GALNTL6: variants seen among roughly 807,000 people sequenced by gnomAD.
GALNTL6 encodes polypeptide N-acetylgalactosaminyltransferase-like 6.
GALNTL6 carries 46 observed loss-of-function variants against 73.7 expected under a neutral mutation model. That is an observed-to-expected ratio of 0.62 (90% CI 0.49 to 0.80). The LOEUF is 0.80. Ranked by LOEUF, GALNTL6 falls within the 30% of genes least tolerant of loss-of-function variation. GALNTL6 has a pLI of 0.00. For synonymous variants in GALNTL6, 259 were observed against 263.7 expected (o/e 0.98, Z 0.17); for missense variants, 604 against 755.0 (o/e 0.80, Z 2.34).
At chr4:172,912,860 A>G (rs1037415802) in intron 8 of GALNTL6, among the ~76,000 whole-genome samples, 3 of 152,204 alleles carry the variant, frequency 2.0e-5, no homozygotes, top group Non-Finnish European at 2.9e-5. Context: ...AGCTTTGAAG[A>G]GAGCAGTGGT....
At position 172,009,414 on chromosome 4, in the gene GALNTL6, A is replaced by G. The variant is rs79408397; in HGVS notation, c.138+194696A>G. 3.9e-3 allele frequency among the ~76,000 whole-genome samples: 591 copies of G among 152,206 alleles called. 6 individuals carry two copies. Among genetic ancestry groups the G allele is most frequent in the African/African-American group, 0.013 (555 of 41,544 alleles). ...ACAATTTAGGTAATGAAGATTTTCA[A>G]ATGGTCTACCCCCTGTGCCTGTCCC... On this transcript the variant is annotated intron_variant, in intron 2 of 12. Transcript: ENST00000506823.
At chr4:172,524,088 A>G (rs113747142) in intron 5 of GALNTL6, among the ~76,000 whole-genome samples, 18 of 152,328 alleles carry the variant, frequency 1.2e-4, no homozygotes, top group African/African-American at 3.6e-4. Flanking sequence ...TCTATAATCT[A>G]TCATTTAGTT....
chr4:172,028,511 C>A (rs1022326899), intron 2 of GALNTL6, among the ~76,000 whole-genome samples: 1 of 151,904 alleles, frequency 6.6e-6, no homozygotes, highest in Admixed American at 6.6e-5. Context: ...GATTCCTACA[C>A]AAAAGAAATT....
chr4:171,893,022 A>G (rs1215122413), intron 2 of GALNTL6, among the ~76,000 whole-genome samples: 1 of 152,098 alleles, frequency 6.6e-6, no homozygotes, highest in Admixed American at 6.6e-5. Flanking sequence ...AATAGGTAGT[A>G]TGTGTTTAGT....
chr4:172,666,837 T>C (rs1442200018), intron 5 of GALNTL6: 2 of 152,190 alleles, frequency 1.3e-5, no homozygotes, highest in Non-Finnish European at 2.9e-5. Context: ...AGCACTAGTC[T>C]ACGCTGTATT....
At chr4:172,488,772 A>G (rs1262374001) in intron 5 of GALNTL6, among the ~76,000 whole-genome samples, 1 of 149,856 alleles carries the variant, frequency 6.7e-6, no homozygotes, top group African/African-American at 2.5e-5. Flanking sequence ...CAGATTTCAG[A>G]ACCCCACCAC....
intron 3 of GALNTL6, among the ~76,000 whole-genome samples, chr4:172,265,765 C>T: frequency 6.6e-6 from 1 of 151,844 alleles, no homozygotes; most frequent in Non-Finnish European, 1.5e-5. Flanking sequence ...GGAAATTTTC[C>T]TTCTTTTGTT....
At chr4:172,390,910 C>T (rs1743644110) in intron 5 of GALNTL6, among the ~76,000 whole-genome samples, 1 of 151,892 alleles carries the variant, frequency 6.6e-6, no homozygotes, top group Admixed American at 6.6e-5. Context: ...CATTCCTAAA[C>T]AAGTCATACA....
At chr4:172,006,030 G>T (rs1378448528) in intron 2 of GALNTL6, among the ~76,000 whole-genome samples, 1 of 152,164 alleles carries the variant, frequency 6.6e-6, no homozygotes, top group African/African-American at 2.4e-5. Context: ...ATTGCAGAGA[G>T]AATCTAGTTC....
chr4:171,848,696 T>C (rs765989239), intron 2 of GALNTL6, among the ~76,000 whole-genome samples: 1 of 152,236 alleles, frequency 6.6e-6, no homozygotes, highest in Non-Finnish European at 1.5e-5. Flanking sequence ...CAACCTCTCC[T>C]GGCTTCCAAC....
chr4:172,378,596 T>C (rs1323432536), intron 5 of GALNTL6, among the ~76,000 whole-genome samples: 2 of 151,966 alleles, frequency 1.3e-5, no homozygotes. Flanking sequence ...TGTTGTTTTT[T>C]AAAAAAAATT....
intron 2 of GALNTL6, among the ~76,000 whole-genome samples, chr4:171,973,554 G>C (rs1022741035): frequency 2.6e-5 from 4 of 151,992 alleles, no homozygotes; most frequent in African/African-American, 9.7e-5. Context: ...AAACCTAGTA[G>C]TCCTATTGAA....
At chr4:172,440,288 A>C (rs1731782662) in intron 5 of GALNTL6, among the ~76,000 whole-genome samples, 2 of 152,064 alleles carry the variant, frequency 1.3e-5, no homozygotes, top group Non-Finnish European at 2.9e-5. Flanking sequence ...AAACAATGGA[A>C]TATTATTCGG....
At chr4:172,741,049 G>A (rs1318973716) in intron 5 of GALNTL6, among the ~76,000 whole-genome samples, 1 of 152,110 alleles carries the variant, frequency 6.6e-6, no homozygotes, top group African/African-American at 2.4e-5. Context: ...ATTTGTGATA[G>A]TTATATTGTA....
intron 5 of GALNTL6, among the ~76,000 whole-genome samples, chr4:172,600,066 A>T (rs1392595904): frequency 6.6e-6 from 1 of 152,130 alleles, no homozygotes; most frequent in Admixed American, 6.6e-5. Flanking sequence ...CCAGTGTCAT[A>T]GTAGAGGTTT....
intron 5 of GALNTL6, among the ~76,000 whole-genome samples, chr4:172,740,459 C>T (rs911023416): frequency 3.3e-5 from 5 of 152,080 alleles, no homozygotes; most frequent in African/African-American, 4.8e-5. Context: ...AATGAATTTA[C>T]CTAATTGCTA....
In GALNTL6 at chr4:172,795,067, C is replaced by G. The variant is rs550941126; in HGVS notation, c.554-14294C>G. 3.3e-5 allele frequency among the ~76,000 whole-genome samples: 5 copies of G among 152,294 alleles called. No individual in the cohort carries two copies. In the South Asian group the frequency reaches 8.3e-4, roughly 25 times the overall value. On this transcript the variant is annotated intron_variant, in intron 5 of 12. Transcript: ENST00000506823. Reference sequence around the variant, plus strand: ...ACTGCAGGTTTAGAAAACTCCTTCACAAAATCCCTCGCAAAATGGAGTAGG... The same window carrying G: ...ACTGCAGGTTTAGAAAACTCCTTCAGAAAATCCCTCGCAAAATGGAGTAGG...
At chr4:172,118,183 T>C (rs1201322114) in intron 2 of GALNTL6, among the ~76,000 whole-genome samples, 3 of 152,162 alleles carry the variant, frequency 2.0e-5, no homozygotes, top group Non-Finnish European at 4.4e-5. Flanking sequence ...GATGAATACA[T>C]GGGGCTTTAT....
At chr4:171,891,282 A>ACACT (rs1736753828) in intron 2 of GALNTL6, among the ~76,000 whole-genome samples, 1 of 152,210 alleles carries the variant, frequency 6.6e-6, no homozygotes, top group Non-Finnish European at 1.5e-5. Flanking sequence ...GCACATATCT[A>ACACT]GGGTAACCAA....
Sources: allele counts gnomAD v4.1 joint callset (sites outside exome capture counted in the v4.1 genomes callset), GRCh38; gene constraint gnomAD v4.1.1; transcripts MANE v1.5; gene names NCBI Gene and HGNC (gene_info 2026-07-23, HGNC 2026-07-21).